RBMS3: variants seen among roughly 807,000 people sequenced by gnomAD.
RBMS3 encodes RNA binding motif single stranded interacting protein 3, also known as RNA-binding motif, single-stranded-interacting protein 3.
RBMS3 carries 27 observed loss-of-function variants against 66.8 expected under a neutral mutation model. The observed-to-expected ratio is 0.40, with a 90% CI of 0.30 to 0.56. The LOEUF (loss-of-function observed/expected upper bound fraction) is 0.56. Ranked by LOEUF, RBMS3 falls within the 20% of genes least tolerant of loss-of-function variation. The pLI is 0.40. For missense variants in RBMS3, 513 were observed against 549.5 expected (o/e 0.93, Z 0.66); for synonymous variants, 188 against 183.0 (o/e 1.03, Z -0.22).
rs560330839 is a variant in RBMS3, at chr3:29,611,613, A to T, written c.399+24408A>T. On this transcript the variant is annotated intron_variant, in intron 4 of 14. Coordinates refer to ENST00000383767, the MANE Select transcript of RBMS3 (RefSeq NM_001003793.3). ...GTCAAAGAATCTTCATAAGTTCGTAATTCAAGTTAATCTTTCAATGGATAA... is the reference window on the plus strand; with the variant it reads ...GTCAAAGAATCTTCATAAGTTCGTATTTCAAGTTAATCTTTCAATGGATAA... Among the ~76,000 whole-genome samples the T allele has an allele frequency of 5.9e-5, 9 of 152,138 alleles. No individual in the cohort carries two copies. The South Asian group carries it at 1.9e-3, about 32-fold the overall frequency.
At chr3:29,574,828 AACACACAC>A (rs201818764) in intron 3 of RBMS3, among the ~76,000 whole-genome samples, 21,835 of 146,898 alleles carry the variant, frequency 0.15, 1,576 homozygotes, top group South Asian at 0.25. Context: ...TGCATAAGAA[AACACACAC>A]ACACACACAC....
chr3:29,319,849 T>A (rs912678289), intron 1 of RBMS3, among the ~76,000 whole-genome samples: 3 of 152,026 alleles, frequency 2.0e-5, no homozygotes, highest in African/African-American at 7.2e-5. Context: ...TGTCAGCACA[T>A]GTCAAAGCTC....
At chr3:29,434,430 G>C (rs538378627) in intron 1 of RBMS3, among the ~76,000 whole-genome samples, 2 of 152,266 alleles carry the variant, frequency 1.3e-5, no homozygotes, top group African/African-American at 4.8e-5. Flanking sequence ...TAGGGAAGAA[G>C]ATATGCTACT....
intron 3 of RBMS3, among the ~76,000 whole-genome samples, chr3:29,571,236 T>A (rs955320795): frequency 4.6e-5 from 7 of 152,144 alleles, no homozygotes; most frequent in African/African-American, 1.7e-4. Context: ...ATCTGTCAGA[T>A]GGGTAGTTTG....
At chr3:29,495,421 T>C (rs9863513) in intron 3 of RBMS3, among the ~76,000 whole-genome samples, 4,934 of 144,154 alleles carry the variant, frequency 0.034, 158 homozygotes, top group East Asian at 0.21. Flanking sequence ...TTCTTTCTTT[T>C]TTTTTTTTTT....
chr3:29,585,214 G>A (rs1391428882), intron 3 of RBMS3, among the ~76,000 whole-genome samples: 2 of 152,104 alleles, frequency 1.3e-5, no homozygotes, highest in Non-Finnish European at 2.9e-5. Context: ...TAAGGTACAA[G>A]GTGGTTCCCA....
chr3:29,535,662 T>TATCAA (rs1440075683), intron 3 of RBMS3, among the ~76,000 whole-genome samples: 1 of 142,488 alleles, frequency 7.0e-6, no homozygotes. Flanking sequence ...AACAGATGTC[T>TATCAA]ATCAAATCAG....
rs769375624 is a variant in RBMS3, at chr3:29,991,188, C to T, written c.1286C>T (p.Ala429Val). 1 of 1,614,164 alleles carries T rather than the reference C, an allele frequency of 6.2e-7. No individual in the cohort carries two copies. Among genetic ancestry groups the T allele is most frequent in the East Asian group, 2.2e-5 (1 of 44,880 alleles). The stretch of plus-strand genomic sequence containing the variant: ...GACACATCCAACGAACATGCACCTG[C>T]ATATTCTTACCAACAGTCTAAGTAA... Reference protein sequence around the residue: ...AVDTSNEHAPAYSYQQSKP With the variant: ...AVDTSNEHAPVYSYQQSKP Residue 429 changes from alanine (A) to valine (V), a missense_variant, in exon 14 of 15, where the codon GCA (alanine) becomes GTA (valine). Physicochemically the swap from Ala to Val is moderately conservative, Grantham distance 64. Coordinates refer to ENST00000383767, the MANE Select transcript of RBMS3 (RefSeq NM_001003793.3).
intron 1 of RBMS3, among the ~76,000 whole-genome samples, chr3:29,381,635 G>T (rs1276451641): frequency 6.6e-6 from 1 of 152,192 alleles, no homozygotes; most frequent in Non-Finnish European, 1.5e-5. Flanking sequence ...AGTGTCAGCA[G>T]CACATTATTC....
At chr3:29,385,839 CGTTT>C (rs1304497059) in intron 1 of RBMS3, among the ~76,000 whole-genome samples, 1 of 152,144 alleles carries the variant, frequency 6.6e-6, no homozygotes, top group Non-Finnish European at 1.5e-5. Flanking sequence ...ACTTTTGGGT[CGTTT>C]GTTCCTATTT....
chr3:29,665,458 G>C (rs528302881), intron 4 of RBMS3, among the ~76,000 whole-genome samples: 1 of 151,964 alleles, frequency 6.6e-6, no homozygotes, highest in African/African-American at 2.4e-5. Context: ...ATAATTCAGC[G>C]TTCTTTTTCC....
At chr3:29,708,028 G>A (rs900004346) in intron 4 of RBMS3, among the ~76,000 whole-genome samples, 3 of 152,190 alleles carry the variant, frequency 2.0e-5, no homozygotes, top group Non-Finnish European at 4.4e-5. Flanking sequence ...TAGGCCTGCC[G>A]AGGGCTGATT....
intron 1 of RBMS3, among the ~76,000 whole-genome samples, chr3:29,423,735 C>T (rs1408910550): frequency 6.6e-6 from 1 of 152,176 alleles, no homozygotes; most frequent in Non-Finnish European, 1.5e-5. Flanking sequence ...ACTAGCGCAA[C>T]TGAAGAAATA....
In RBMS3 at chr3:29,343,059, T is replaced by C. The variant is rs529042357; in HGVS notation, c.75+61303T>C. On this transcript the variant is annotated intron_variant, in intron 1 of 14. Transcript: ENST00000383767. The stretch of plus-strand genomic sequence containing the variant: ...GCTATTCAGTAGGATACTTTTGAAA[T>C]GGTGAAAAGTTTGTATCTGTATACA... Among the ~76,000 whole-genome samples, 27 of 152,266 alleles carry C rather than the reference T, an allele frequency of 1.8e-4. No individual in the cohort carries two copies. In the South Asian group the frequency reaches 5.6e-3, roughly 32 times the overall value.
intron 5 of RBMS3, among the ~76,000 whole-genome samples, chr3:29,756,943 C>G (rs2577120): frequency 0.06 from 9,191 of 152,132 alleles, 395 homozygotes; most frequent in Non-Finnish European, 0.088. Context: ...ATTTCCTGAA[C>G]CTTGTTGTTT....
chr3:29,483,377 A>G (rs1386535824), intron 2 of RBMS3, among the ~76,000 whole-genome samples: 2 of 152,018 alleles, frequency 1.3e-5, no homozygotes, highest in Admixed American at 6.5e-5. Flanking sequence ...ATTGCAAATA[A>G]CAAACCACAT....
At chr3:29,458,645 A>T (rs776644429) in intron 2 of RBMS3, among the ~76,000 whole-genome samples, 2 of 152,172 alleles carry the variant, frequency 1.3e-5, no homozygotes, top group Non-Finnish European at 2.9e-5. Context: ...TTTTGGGTTT[A>T]TTCCAAATAT....
intron 1 of RBMS3, among the ~76,000 whole-genome samples, chr3:29,354,478 A>G (rs2037099504): frequency 6.6e-6 from 1 of 152,114 alleles, no homozygotes; most frequent in Non-Finnish European, 1.5e-5. Flanking sequence ...TTGCATGCAT[A>G]CATACGTGTG....
intron 3 of RBMS3, among the ~76,000 whole-genome samples, chr3:29,576,450 G>A (rs2047123535): frequency 6.6e-6 from 1 of 152,096 alleles, no homozygotes; most frequent in Non-Finnish European, 1.5e-5. Flanking sequence ...ATAGCACTGA[G>A]TCTTGCCCAA....
Sources: allele counts gnomAD v4.1 joint callset (sites outside exome capture counted in the v4.1 genomes callset), GRCh38; gene constraint gnomAD v4.1.1; transcripts MANE v1.5; gene names NCBI Gene and HGNC (gene_info 2026-07-23, HGNC 2026-07-21).